The following ATP7B variants were observed in gnomAD, a reference collection of about 807,000 sequenced individuals.
ATP7B encodes the protein copper-transporting ATPase 2.
ATP7B carries 113 observed loss-of-function variants against 118.9 expected under a neutral mutation model. That is an observed-to-expected ratio of 0.95 (90% confidence interval 0.82 to 1.11). The LOEUF is 1.11. Ranked by LOEUF, ATP7B falls within the 50% of genes most tolerant of loss-of-function variation. The pLI is 0.00. For missense variants in ATP7B, 1,867 were observed against 1,871.4 expected (o/e 1.00, Z 0.04); for synonymous variants, 777 against 727.4 (o/e 1.07, Z -1.10).
chr13:51,945,664 A>G (rs1957599593), intron 13 of ATP7B, among the ~76,000 whole-genome samples: 1 of 152,108 alleles, frequency 6.6e-6, no homozygotes, highest in Non-Finnish European at 1.5e-5. Flanking sequence ...CAGCTTTGCT[A>G]TTTACTTTTT....
In ATP7B at chr13:51,958,433, G is replaced by C. The variant is rs1451014044; in HGVS notation, c.2233C>G (p.Leu745Val). ...GCCACAGCAACCACCAGGATGACCA[G>C]AGAATAAACATAAGCAATGCTTGTG... ...LATSIAYVYS[L>V]VILVVAVAEK... The change falls in exon 8 of 21, where the codon CTG becomes GTG. Residue 745 changes from leucine (L) to valine (V), a missense_variant. Leu to Val is a conservative substitution (Grantham distance 32, BLOSUM62 1). Transcript: ENST00000242839. 6.2e-7 allele frequency: 1 copy of C among 1,614,206 alleles called. No homozygotes were observed. The highest frequency in any genetic ancestry group is 8.5e-7 in the Non-Finnish European group (1 of 1,180,044).
Position 52,011,447 on chromosome 13 carries a change from T to G in ATP7B, c.-110A>C. 2 of 1,439,436 alleles carry G rather than the reference T, an allele frequency of 1.4e-6. No homozygotes were observed. Among genetic ancestry groups the G allele is most frequent in the Non-Finnish European group, 1.9e-6 (2 of 1,037,010 alleles). The allele number at this position is 1,439,436 out of a possible 1,614,324, so 89.2% of individuals were successfully genotyped here. A position where few individuals can be genotyped will look rare whatever the true frequency, so the allele number is the denominator to read the frequency against. On this transcript the variant is annotated 5_prime_UTR_variant, in exon 1 of 21. Coordinates refer to ENST00000242839, the MANE Select transcript of ATP7B (RefSeq NM_000053.4). The stretch of plus-strand genomic sequence containing the variant: ...GTCCCGGGAGAGGAGGCGCAGAGTG[T>G]GAGGGCATCGGCGCGGCTCGGCTCT...
chr13:51,960,684 A>T (rs895021360), intron 6 of ATP7B, among the ~76,000 whole-genome samples: 3 of 152,206 alleles, frequency 2.0e-5, no homozygotes, highest in Non-Finnish European at 4.4e-5. Context: ...TTCTTTTCAA[A>T]ATGCAATCTT....
chr13:51,966,342 C>T (rs553971203), intron 4 of ATP7B, among the ~76,000 whole-genome samples: 73 of 152,310 alleles, frequency 4.8e-4, no homozygotes, highest in Middle Eastern at 3.4e-3. Flanking sequence ...TGAGCCACTG[C>T]CATCTGCAGC....
Position 52,009,047 on chromosome 13 carries a change from C to CT in ATP7B, c.51+2239dup, listed in dbSNP as rs371377970. Among the ~76,000 whole-genome samples the CT allele has an allele frequency of 3.7e-3, 549 of 148,252 alleles. 3 individuals are homozygous for CT. The highest frequency in any genetic ancestry group is 0.013 in the South Asian group (63 of 4,668). ...ACACCATTATGCCCAGCTAATTTTT[C>CT]TTTTTTTTTTGTATAAACGATGTCT... On this transcript the variant is annotated intron_variant, in intron 1 of 20. Transcript: ENST00000242839.
At chr13:51,954,167 G>A (rs1958191653) in intron 9 of ATP7B, among the ~76,000 whole-genome samples, 1 of 152,210 alleles carries the variant, frequency 6.6e-6, no homozygotes, top group Admixed American at 6.5e-5. Flanking sequence ...AGGAAGAAGG[G>A]AGTTCAGAGG....
rs756751716 is a variant in ATP7B, at chr13:51,941,082, G to T, written c.3555C>A (p.Asp1185Glu). 1 of 1,614,076 alleles carries T rather than the reference G, an allele frequency of 6.2e-7. No individual in the cohort carries two copies. Among genetic ancestry groups the T allele is most frequent in the Non-Finnish European group, 8.5e-7 (1 of 1,180,030 alleles). ...AAGGAAGGCAGAAGCAGAAGATACCGTCAATAGCCACCAGGATGGCTGTCT... is the reference window on the plus strand; with the variant it reads ...AAGGAAGGCAGAAGCAGAAGATACCTTCAATAGCCACCAGGATGGCTGTCT... ...KGQTAILVAIDGVLCGMIAIA... is the reference protein window; with the variant it reads ...KGQTAILVAIEGVLCGMIAIA... Residue 1185 changes from aspartate (D) to glutamate (E), a missense_variant and splice_region_variant, in exon 16 of 21, where the codon GAC (aspartate) becomes GAA (glutamate). Asp to Glu is a conservative substitution (Grantham distance 45, BLOSUM62 2). Coordinates refer to ENST00000242839, the MANE Select transcript of ATP7B (RefSeq NM_000053.4).
At chr13:51,946,558 C>T (rs1957674717) in intron 12 of ATP7B, 80 bp from the exon 13 acceptor site, 6 of 1,526,870 alleles carry the variant, frequency 3.9e-6, no homozygotes, top group Non-Finnish European at 5.4e-6. Context: ...AAGGACATTT[C>T]AGGGGGGCAC....
At chr13:51,950,583 G>A (rs148578746) in intron 9 of ATP7B, among the ~76,000 whole-genome samples, 184 bp from the exon 10 acceptor site, 62 of 152,322 alleles carry the variant, frequency 4.1e-4, no homozygotes, top group Non-Finnish European at 6.5e-4. Flanking sequence ...CTAGGCACTG[G>A]TGATACAGCT....
chr13:51,946,800 T>C (rs1283552290), intron 12 of ATP7B, among the ~76,000 whole-genome samples: 3 of 152,112 alleles, frequency 2.0e-5, no homozygotes, highest in Non-Finnish European at 4.4e-5. Flanking sequence ...ATACACAAAA[T>C]GGAGATGATA....
At chr13:51,959,934 C>T (rs1958618131) in intron 7 of ATP7B, 2 of 601,384 alleles carry the variant, frequency 3.3e-6, no homozygotes, top group Admixed American at 2.9e-5. Context: ...TGAAACCAGG[C>T]CCTTAGTAGT....
chr13:51,975,899 G>A (rs570766513), intron 1 of ATP7B, among the ~76,000 whole-genome samples: 1 of 152,302 alleles, frequency 6.6e-6, no homozygotes, highest in South Asian at 2.1e-4. Flanking sequence ...GTTTCACAAG[G>A]AATTTCATAG....
intron 9 of ATP7B, among the ~76,000 whole-genome samples, chr13:51,957,310 T>C (rs1452790534): frequency 1.3e-5 from 2 of 152,194 alleles, no homozygotes; most frequent in African/African-American, 2.4e-5. Flanking sequence ...CCATGTGCCA[T>C]TTCGCACACA....
chr13:51,990,115 CATT>C (rs1408011744), intron 1 of ATP7B, among the ~76,000 whole-genome samples: 3 of 151,596 alleles, frequency 2.0e-5, no homozygotes, highest in South Asian at 4.2e-4. Context: ...TTTATTATAA[CATT>C]AATAAAATAA....
chr13:51,999,903 T>C (rs1267858166), intron 1 of ATP7B, among the ~76,000 whole-genome samples: 1 of 152,086 alleles, frequency 6.6e-6, no homozygotes, highest in Non-Finnish European at 1.5e-5. Context: ...CCCCCATACT[T>C]ACTCTCAGCC....
In ATP7B at chr13:51,968,248, T is replaced by C. The variant is rs564954590; in HGVS notation, c.1707+196A>G. On this transcript the variant is annotated intron_variant, in intron 4 of 20. Transcript: ENST00000242839. Reference sequence around the variant, plus strand: ...CTCAGTGGGATCCTCCCCATGACTGTTTAACGTAACTGACCTTTCTTAAAA... The same window carrying C: ...CTCAGTGGGATCCTCCCCATGACTGCTTAACGTAACTGACCTTTCTTAAAA... Among the ~76,000 whole-genome samples the C allele has an allele frequency of 7.9e-5, 12 of 152,324 alleles. No homozygotes were observed. In the South Asian group the frequency reaches 2.5e-3, roughly 32 times the overall value.
intron 16 of ATP7B, 132 bp from the exon 17 acceptor site, chr13:51,939,325 GGTTT>G (rs1341683422): frequency 7.0e-7 from 1 of 1,419,940 alleles, no homozygotes; most frequent in Non-Finnish European, 9.6e-7. Flanking sequence ...AACACAATGT[GGTTT>G]TTTTGCTTTT....
intron 14 of ATP7B, among the ~76,000 whole-genome samples, chr13:51,943,805 G>A (rs1416216945): frequency 1.3e-5 from 2 of 151,926 alleles, no homozygotes; most frequent in African/African-American, 4.8e-5. Context: ...CAGACTGCCC[G>A]TACTCCCCAA....
At chr13:51,986,153 T>C (rs1306416873) in intron 1 of ATP7B, among the ~76,000 whole-genome samples, 3 of 151,724 alleles carry the variant, frequency 2.0e-5, no homozygotes, top group Non-Finnish European at 4.4e-5. Flanking sequence ...ATCAACAAAA[T>C]AGATAGACCG....
Sources: allele counts gnomAD v4.1 joint callset (sites outside exome capture counted in the v4.1 genomes callset), GRCh38; gene constraint gnomAD v4.1.1; transcripts MANE v1.5; gene names NCBI Gene and HGNC (gene_info 2026-07-23, HGNC 2026-07-21).